The following ARHGAP22 variants were observed in gnomAD, a reference collection of about 807,000 sequenced individuals.
ARHGAP22 encodes rho GTPase-activating protein 22.
Under a neutral mutation model 59.1 loss-of-function variants are expected in ARHGAP22, and 48 were observed. The ratio of observed to expected loss-of-function variants is 0.81; its 90% CI spans 0.64 to 1.03. The LOEUF (loss-of-function observed/expected upper bound fraction) is 1.03, where lower values mean the gene tolerates loss of function less well. Among genes scored for constraint, ARHGAP22 ranks in the 50% least tolerant of loss-of-function variants. The pLI, the probability that ARHGAP22 is intolerant of heterozygous loss-of-function variation, is 0.00. For synonymous variants in ARHGAP22, 445 were observed against 416.4 expected (o/e 1.07, Z -0.84); for missense variants, 1,015 against 958.7 (o/e 1.06, Z -0.78).
upstream of ARHGAP22, among the ~76,000 whole-genome samples, chr10:48,654,521 C>T (rs1457207984): frequency 2.0e-5 from 3 of 152,184 alleles, no homozygotes; most frequent in Non-Finnish European, 4.4e-5. Context: ...GGCTTGGCTT[C>T]GTAAAAGCCA....
chr10:48,514,480 T>G (rs769218056), intron 3 of ARHGAP22, among the ~76,000 whole-genome samples: 1 of 152,150 alleles, frequency 6.6e-6, no homozygotes, highest in African/African-American at 2.4e-5. Flanking sequence ...CAACCAAGAA[T>G]TCTATATCCA....
At chr10:48,469,212 G>C (rs1027027959) in intron 4 of ARHGAP22, among the ~76,000 whole-genome samples, 26 of 152,222 alleles carry the variant, frequency 1.7e-4, no homozygotes, top group Admixed American at 4.6e-4. Flanking sequence ...GAGGCCTGCA[G>C]GCACCACCCA....
chr10:48,576,026 C>T (rs1351754092), intron 2 of ARHGAP22, among the ~76,000 whole-genome samples: 1 of 152,230 alleles, frequency 6.6e-6, no homozygotes, highest in Non-Finnish European at 1.5e-5. Flanking sequence ...CCTATCGCAG[C>T]CCACGAAGTG....
chr10:48,466,228 C>T (rs895052966), intron 4 of ARHGAP22, among the ~76,000 whole-genome samples: 1 of 150,552 alleles, frequency 6.6e-6, no homozygotes, highest in Non-Finnish European at 1.5e-5. Flanking sequence ...TGTGTCCCCT[C>T]CGTAGTTCGG....
chr10:48,520,359 C>T lies in ARHGAP22; in HGVS notation c.322+35104G>A, dbSNP rs548474649. 2.0e-5 allele frequency among the ~76,000 whole-genome samples: 3 copies of T among 152,306 alleles called. 1 individual carries two copies. The South Asian group carries it at 6.2e-4, about 32-fold the overall frequency. On this transcript the variant is annotated intron_variant, in intron 3 of 9. Coordinates refer to ENST00000249601, the MANE Select transcript of ARHGAP22 (RefSeq NM_021226.4). ...TGTTCTGCTGCAGCATTCAGGGAGCCACAGTCCTCAGGCAGCCCTCAGCAG... is the reference window on the plus strand; with the variant it reads ...TGTTCTGCTGCAGCATTCAGGGAGCTACAGTCCTCAGGCAGCCCTCAGCAG...
intron 1 of ARHGAP22, among the ~76,000 whole-genome samples, chr10:48,591,469 C>G (rs1298211114): frequency 6.6e-6 from 1 of 152,124 alleles, no homozygotes; most frequent in East Asian, 1.9e-4. Context: ...AGAGGAAATA[C>G]TAATAACTAC....
intron 3 of ARHGAP22, among the ~76,000 whole-genome samples, chr10:48,517,371 G>A (rs899913503): frequency 5.9e-5 from 9 of 152,168 alleles, no homozygotes; most frequent in African/African-American, 1.4e-4. Context: ...GGGGGTGGGC[G>A]ATAGGGAGAG....
chr10:48,579,093 T>C (rs576756284), intron 2 of ARHGAP22, among the ~76,000 whole-genome samples: 1 of 136,322 alleles, frequency 7.3e-6, no homozygotes, highest in South Asian at 2.7e-4. Flanking sequence ...TCTTTCTTTC[T>C]TGTTTTTTAT....
intron 3 of ARHGAP22, among the ~76,000 whole-genome samples, chr10:48,492,649 G>C (rs1043846826): frequency 6.6e-6 from 1 of 151,988 alleles, no homozygotes; most frequent in East Asian, 1.9e-4. Flanking sequence ...CGCTTCCCAG[G>C]TTCAAGTGAT....
intron 3 of ARHGAP22, among the ~76,000 whole-genome samples, chr10:48,520,645 T>G (rs542052509): frequency 6.6e-6 from 1 of 152,156 alleles, no homozygotes; most frequent in African/African-American, 2.4e-5. Flanking sequence ...GAATTTTTGG[T>G]TGAGCAACTC....
intron 1 of ARHGAP22, chr10:48,652,166 C>T: frequency 2.1e-6 from 3 of 1,439,642 alleles, no homozygotes; most frequent in Non-Finnish European, 2.8e-6. Context: ...CCGGGGACCC[C>T]ATCCCTCAAG....
At chr10:48,613,925 G>C (rs2060987172) in intron 1 of ARHGAP22, among the ~76,000 whole-genome samples, 1 of 152,190 alleles carries the variant, frequency 6.6e-6, no homozygotes, top group African/African-American at 2.4e-5. Context: ...AGATTGGATT[G>C]TTATAAAAGC....
intron 1 of ARHGAP22, among the ~76,000 whole-genome samples, chr10:48,592,086 A>G (rs1347762434): frequency 6.6e-6 from 1 of 152,220 alleles, no homozygotes; most frequent in Non-Finnish European, 1.5e-5. Context: ...AAAAGACTTG[A>G]AAAGAATGAG....
chr10:48,632,135 A>G (rs2061649546), intron 1 of ARHGAP22, among the ~76,000 whole-genome samples: 1 of 152,160 alleles, frequency 6.6e-6, no homozygotes, highest in Non-Finnish European at 1.5e-5. Flanking sequence ...AACCTTCCCC[A>G]CGAGTCCTCA....
intron 2 of ARHGAP22, among the ~76,000 whole-genome samples, chr10:48,566,143 A>T (rs73300232): frequency 5.9e-5 from 9 of 152,306 alleles, no homozygotes; most frequent in African/African-American, 1.9e-4. Context: ...TGAAGAAACA[A>T]CTTCTGCAAT....
At chr10:48,607,239 G>C (rs938561040), upstream of ARHGAP22, among the ~76,000 whole-genome samples, 1 of 152,158 alleles carries the variant, frequency 6.6e-6, no homozygotes, top group Admixed American at 6.5e-5. Context: ...CGCTTTTCCT[G>C]TGCAGCTGTT....
rs1012379117 is a variant in ARHGAP22 at position 48,534,467 on chromosome 10, A to G, written c.322+20996T>C. On this transcript the variant is annotated intron_variant, in intron 3 of 9. Transcript: ENST00000249601. ...CAAGAGGGCTCTCTGTCCTTGCCAT[A>G]TGGACAAACACAGCAGAAGCTCCCA... Among the ~76,000 whole-genome samples, 4 of 152,306 alleles carry G rather than the reference A, an allele frequency of 2.6e-5. No homozygotes were observed. In the East Asian group the frequency reaches 5.8e-4, roughly 22 times the overall value.
upstream of ARHGAP22, among the ~76,000 whole-genome samples, chr10:48,655,043 T>A (rs540066120): frequency 1.5e-5 from 1 of 65,492 alleles, no homozygotes; most frequent in African/African-American, 6.0e-5. Context: ...TCTTTCTTTC[T>A]TTCTTTCTTT....
chr10:48,505,465 G>A (rs2052009909), intron 3 of ARHGAP22, among the ~76,000 whole-genome samples: 1 of 152,034 alleles, frequency 6.6e-6, no homozygotes, highest in African/African-American at 2.4e-5. Flanking sequence ...CAAAAATACA[G>A]ATGCAGGAGT....
Sources: gnomAD v4.1 joint callset for allele counts (sites outside exome capture counted in the v4.1 genomes callset) on GRCh38, gnomAD v4.1.1 for gene constraint, MANE v1.5 for transcripts, NCBI Gene and HGNC (gene_info 2026-07-23, HGNC 2026-07-21) for gene names.